The following SORCS2 variants were observed in gnomAD, a reference collection of about 807,000 sequenced individuals.
SORCS2 encodes sortilin related VPS10 domain containing receptor 2.
In SORCS2, 100 loss-of-function variants were observed where a neutral mutation model predicts 141.6. The observed-to-expected ratio is 0.71, with a 90% CI of 0.60 to 0.83. The LOEUF (loss-of-function observed/expected upper bound fraction) is 0.83, where lower values mean the gene tolerates loss of function less well. Among genes scored for constraint, SORCS2 ranks in the 40% least tolerant of loss-of-function variants. The pLI is 0.00. For missense variants in SORCS2, 1,646 were observed against 1,560.2 expected (o/e 1.05, Z -0.93); for synonymous variants, 789 against 676.9 (o/e 1.17, Z -2.57).
chr4:7,350,167 G>A (rs900356918), intron 1 of SORCS2, among the ~76,000 whole-genome samples: 6 of 152,180 alleles, frequency 3.9e-5, no homozygotes, highest in African/African-American at 7.2e-5. Flanking sequence ...CCCACCCCAT[G>A]GCTGCGGAAC....
At position 7,664,371 on chromosome 4, in the gene SORCS2, G is replaced by C. The variant is rs375141092; in HGVS notation, c.971G>C (p.Cys324Ser). ...DLGGDFRYVT[C>S]AIHNCSEKML... ...CCTGTAGATTTTCGGTACGTCACCT[G>C]CGCAATCCACAATTGCTCCGAGAAG... The change falls in exon 7 of 27, where the codon TGC becomes TCC. Residue 324 changes from cysteine to serine, a missense_variant. Cys to Ser is a moderately radical substitution (Grantham distance 112, BLOSUM62 -1). Coordinates refer to ENST00000507866, the MANE Select transcript of SORCS2 (RefSeq NM_020777.3). This position sits in a 1 kb window ranked among gnomAD's most constrained non-coding sequence, Gnocchi z 4.7. 6 of 1,613,656 alleles carry C rather than the reference G, an allele frequency of 3.7e-6. No homozygotes were observed. The African/African-American group carries it at 8.0e-5, about 22-fold the overall frequency.
chr4:7,634,300 G>A (rs1720089163), intron 3 of SORCS2, among the ~76,000 whole-genome samples: 1 of 152,028 alleles, frequency 6.6e-6, no homozygotes, highest in South Asian at 2.1e-4. Flanking sequence ...TTGAACTTGG[G>A]AGGCAGAGTT....
At chr4:7,607,224 C>T (rs1718116253) in intron 3 of SORCS2, among the ~76,000 whole-genome samples, 1 of 152,162 alleles carries the variant, frequency 6.6e-6, no homozygotes, top group Non-Finnish European at 1.5e-5. Context: ...TATCATTTGT[C>T]TCTCCTTGGC....
intron 2 of SORCS2, among the ~76,000 whole-genome samples, chr4:7,504,605 C>T (rs1732167695): frequency 6.6e-6 from 1 of 152,246 alleles, no homozygotes; most frequent in African/African-American, 2.4e-5. Context: ...GACCCCAGGG[C>T]TGGCTTCCCA....
At chr4:7,476,770 G>C (rs912752968) in intron 2 of SORCS2, among the ~76,000 whole-genome samples, 1 of 152,216 alleles carries the variant, frequency 6.6e-6, no homozygotes, top group East Asian at 1.9e-4. Context: ...CCTGCTCCAC[G>C]CTCTCCCTCT....
At position 7,434,084 on chromosome 4, in the gene SORCS2, C is replaced by A. The variant is rs1727097862; in HGVS notation, c.548+37729C>A. ...GAGGGGACCCCGTCCATGGCCACTA[C>A]TTGAGTCAAACGGGCAGGTGCCCCT... is the stretch of plus-strand genomic sequence containing the variant. On this transcript the variant is annotated intron_variant, in intron 2 of 26. Transcript: ENST00000507866. 21 of 1,611,826 alleles carry A rather than the reference C, an allele frequency of 1.3e-5. No individual in the cohort carries two copies. Among genetic ancestry groups the A allele is most frequent in the Non-Finnish European group, 1.8e-5 (21 of 1,178,526 alleles).
intron 3 of SORCS2, among the ~76,000 whole-genome samples, chr4:7,533,582 G>T (rs549369034): frequency 1.3e-5 from 2 of 152,218 alleles, no homozygotes; most frequent in African/African-American, 4.8e-5. Context: ...GGGTCCACAG[G>T]CACCTGGGAT....
chr4:7,416,033 T>C (rs1725643945), intron 2 of SORCS2, among the ~76,000 whole-genome samples: 1 of 152,130 alleles, frequency 6.6e-6, no homozygotes, highest in African/African-American at 2.4e-5. Context: ...GGAGGGACCC[T>C]AAGGAGTTTA....
Position 7,638,514 on chromosome 4 carries a change from C to A in SORCS2, c.813+22C>A. Reference sequence around the variant, plus strand: ...CAAGGTAAGATATATGGGTGCCAGTCGCCTGGTCTGTGGGGCTGGGGTCTG... The same window carrying A: ...CAAGGTAAGATATATGGGTGCCAGTAGCCTGGTCTGTGGGGCTGGGGTCTG... On this transcript the variant is annotated intron_variant, in intron 4 of 26. Coordinates refer to ENST00000507866, the MANE Select transcript of SORCS2 (RefSeq NM_020777.3). 5 of 1,600,284 alleles carry A rather than the reference C, an allele frequency of 3.1e-6. No homozygotes were observed. In the South Asian group the frequency reaches 3.3e-5, roughly 11 times the overall value.
At chr4:7,503,995 C>T (rs1205564671) in intron 2 of SORCS2, among the ~76,000 whole-genome samples, 1 of 152,206 alleles carries the variant, frequency 6.6e-6, no homozygotes, top group Admixed American at 6.5e-5. Context: ...TCCCCTGCTA[C>T]TCCACCCGGA....
intron 1 of SORCS2, among the ~76,000 whole-genome samples, chr4:7,262,274 C>A (rs114158664): frequency 2.0e-5 from 3 of 150,754 alleles, no homozygotes; most frequent in African/African-American, 4.9e-5. Flanking sequence ...ATCCACCCAC[C>A]TATCCATCTA....
intron 1 of SORCS2, among the ~76,000 whole-genome samples, chr4:7,259,780 C>T (rs1438409627): frequency 6.6e-6 from 1 of 152,242 alleles, no homozygotes; most frequent in African/African-American, 2.4e-5. Context: ...AGCATCTCCC[C>T]ATCTTACAGA....
chr4:7,337,762 C>T (rs1162368420), intron 1 of SORCS2, among the ~76,000 whole-genome samples: 1 of 152,218 alleles, frequency 6.6e-6, no homozygotes, highest in Admixed American at 6.5e-5. Flanking sequence ...GAAGTTCTTA[C>T]TCCCTACCAG....
At chr4:7,607,553 A>C (rs994208902) in intron 3 of SORCS2, among the ~76,000 whole-genome samples, 1 of 152,120 alleles carries the variant, frequency 6.6e-6, no homozygotes, top group African/African-American at 2.4e-5. Flanking sequence ...AACAGCCCTG[A>C]GTGTCAATAA....
intron 1 of SORCS2, among the ~76,000 whole-genome samples, chr4:7,267,204 T>G (rs1034680235): frequency 1.1e-4 from 17 of 152,196 alleles, no homozygotes; most frequent in African/African-American, 4.1e-4. Context: ...GTAGGCATCT[T>G]CCTTTCTCCT....
chr4:7,724,018 A>T, intron 19 of SORCS2, 135 bp downstream of exon 19: 1 of 1,064,448 alleles, frequency 9.4e-7, no homozygotes, highest in Non-Finnish European at 1.3e-6. Flanking sequence ...GAGGGCAGGG[A>T]GGCAGGGAGG....
intron 3 of SORCS2, among the ~76,000 whole-genome samples, chr4:7,631,659 A>G (rs1174867443): frequency 6.6e-6 from 1 of 152,058 alleles, no homozygotes; most frequent in Non-Finnish European, 1.5e-5. Flanking sequence ...GGGGGCAGAA[A>G]TCCCATGGGG....
chr4:7,519,818 T>C (rs1023624649), intron 2 of SORCS2, among the ~76,000 whole-genome samples: 1 of 152,052 alleles, frequency 6.6e-6, no homozygotes, highest in African/African-American at 2.4e-5. Context: ...AGGGCGCACA[T>C]GGGGGCTTCT....
At chr4:7,702,850 C>T (rs2109014774) in intron 12 of SORCS2, among the ~76,000 whole-genome samples, 1 of 152,378 alleles carries the variant, frequency 6.6e-6, no homozygotes, top group Non-Finnish European at 1.5e-5. Flanking sequence ...AGTCTGGCAT[C>T]AGGGAGGGCT....
Sources: gnomAD v4.1 joint callset for allele counts (sites outside exome capture counted in the v4.1 genomes callset) on GRCh38, gnomAD v4.1.1 for gene constraint, Gnocchi (gnomAD v3.1) non-coding constraint, MANE v1.5 for transcripts, NCBI Gene and HGNC (gene_info 2026-07-23, HGNC 2026-07-21) for gene names.